NEK11: variants seen among roughly 807,000 people sequenced by gnomAD.
NEK11 encodes the protein serine/threonine-protein kinase Nek11.
A neutral mutation model predicts 80.7 loss-of-function variants in NEK11; 72 were observed. That is an observed-to-expected ratio of 0.89 (90% CI 0.74 to 1.08). The LOEUF is 1.08. Among genes scored for constraint, NEK11 ranks in the 50% least tolerant of loss-of-function variants. NEK11 has a pLI of 0.00. For missense variants in NEK11, 764 were observed against 763.6 expected, an observed-to-expected ratio of 1.00 and a Z score of -0.01; for synonymous variants, 251 against 260.7, an observed-to-expected ratio of 0.96 and a Z score of 0.36.
At chr3:131,318,735 A>ATG (rs199977425) in intron 17 of NEK11, among the ~76,000 whole-genome samples, 2,108 of 124,242 alleles carry the variant, frequency 0.017, 41 homozygotes, top group East Asian at 0.04. Flanking sequence ...GCGTGTGTAC[A>ATG]TGTGTATATA....
At chr3:131,294,830 C>T (rs924397339) in intron 17 of NEK11, among the ~76,000 whole-genome samples, 24 of 152,144 alleles carry the variant, frequency 1.6e-4, no homozygotes, top group African/African-American at 4.3e-4. Context: ...TATGTAATGC[C>T]TTTATTTATC....
In NEK11 at chr3:131,162,391, A is replaced by G; in HGVS notation, c.963-17A>G. ...GTTTGGGATGGGCTATATGAGGGGA[A>G]TCTTTGTTATTTATAGGCAAAAAAG... On this transcript the variant is annotated splice_polypyrimidine_tract_variant and intron_variant, in intron 10 of 17. Coordinates refer to ENST00000383366, the MANE Select transcript of NEK11 (RefSeq NM_024800.5). 1 of 1,610,328 alleles carries G rather than the reference A, an allele frequency of 6.2e-7. No individual in the cohort carries two copies. Among genetic ancestry groups the G allele is most frequent in the Non-Finnish European group, 8.5e-7 (1 of 1,178,950 alleles).
At chr3:131,228,331 T>C (rs68000792) in intron 14 of NEK11, among the ~76,000 whole-genome samples, 197 bp from the exon 15 acceptor site, 21,198 of 152,124 alleles carry the variant, frequency 0.14, 1,639 homozygotes, top group South Asian at 0.22. Flanking sequence ...TGTTCCTCCT[T>C]TCCTCTACTG....
At chr3:131,095,543 A>C (rs1321496354) in intron 4 of NEK11, among the ~76,000 whole-genome samples, 1 of 152,154 alleles carries the variant, frequency 6.6e-6, no homozygotes, top group Non-Finnish European at 1.5e-5. Context: ...GTATTTTTTA[A>C]AAATTAAAAT....
intron 16 of NEK11, among the ~76,000 whole-genome samples, chr3:131,268,535 C>T (rs2096110622): frequency 6.6e-6 from 1 of 152,226 alleles, no homozygotes; most frequent in South Asian, 2.1e-4. Context: ...CCCTCTGCTG[C>T]AGGTCTGCTG....
intron 17 of NEK11, among the ~76,000 whole-genome samples, chr3:131,309,523 C>CCAAA (rs1349920477): frequency 6.6e-6 from 1 of 152,078 alleles, no homozygotes; most frequent in Non-Finnish European, 1.5e-5. Flanking sequence ...AACACAAGTC[C>CCAAA]CAAACAGTGA....
At chr3:131,044,648 CT>C (rs2067105575) in intron 3 of NEK11, among the ~76,000 whole-genome samples, 1 of 152,018 alleles carries the variant, frequency 6.6e-6, no homozygotes, top group African/African-American at 2.4e-5. Flanking sequence ...TACCAAGGGA[CT>C]TAGACTCCCA....
intron 17 of NEK11, among the ~76,000 whole-genome samples, chr3:131,345,626 GT>G (rs1034302477): frequency 2.0e-5 from 3 of 152,076 alleles, no homozygotes; most frequent in Non-Finnish European, 2.9e-5. Context: ...CAATATAGAG[GT>G]TCCTAAAGAA....
At chr3:131,323,189 G>GAA (rs2096914504) in intron 17 of NEK11, among the ~76,000 whole-genome samples, 2 of 152,092 alleles carry the variant, frequency 1.3e-5, no homozygotes, top group Non-Finnish European at 2.9e-5. Context: ...ACCTTAACGA[G>GAA]GAATTTTCTC....
At chr3:131,032,255 C>T (rs1209407785) in intron 3 of NEK11, among the ~76,000 whole-genome samples, 1 of 152,126 alleles carries the variant, frequency 6.6e-6, no homozygotes, top group Non-Finnish European at 1.5e-5. Context: ...AGCCATCGCG[C>T]CTGGCCAGTA....
At chr3:131,280,113 G>A (rs1225288924) in intron 17 of NEK11, among the ~76,000 whole-genome samples, 1 of 152,190 alleles carries the variant, frequency 6.6e-6, no homozygotes, top group Non-Finnish European at 1.5e-5. Flanking sequence ...GAGAATCTGG[G>A]GGAGCTTCTG....
intron 5 of NEK11, among the ~76,000 whole-genome samples, chr3:131,131,039 T>A (rs2084359604): frequency 6.6e-6 from 1 of 152,176 alleles, no homozygotes; most frequent in Non-Finnish European, 1.5e-5. Flanking sequence ...TGACCCCAGG[T>A]GATCCACCCA....
At chr3:131,179,583 A>T (rs2093233537) in intron 14 of NEK11, among the ~76,000 whole-genome samples, 1 of 152,224 alleles carries the variant, frequency 6.6e-6, no homozygotes, top group African/African-American at 2.4e-5. Flanking sequence ...TAAATTAACA[A>T]TGTATTATAA....
At chr3:131,220,664 G>T (rs1226641571) in intron 14 of NEK11, among the ~76,000 whole-genome samples, 2 of 152,152 alleles carry the variant, frequency 1.3e-5, no homozygotes, top group Non-Finnish European at 2.9e-5. Flanking sequence ...TCTTTTGGTA[G>T]CTGCCTTCTG....
intron 14 of NEK11, among the ~76,000 whole-genome samples, chr3:131,179,123 AC>A (rs1280112741): frequency 6.6e-6 from 1 of 152,142 alleles, no homozygotes; most frequent in East Asian, 1.9e-4. Flanking sequence ...TTGTTCTTCT[AC>A]CTTCCACCAT....
intron 15 of NEK11, among the ~76,000 whole-genome samples, chr3:131,240,884 T>C (rs2095508762): frequency 6.6e-6 from 1 of 152,192 alleles, no homozygotes; most frequent in Non-Finnish European, 1.5e-5. Context: ...GTGTGATTTT[T>C]ACAATCCTGT....
intron 14 of NEK11, among the ~76,000 whole-genome samples, chr3:131,202,952 G>A (rs2094298188): frequency 6.6e-6 from 1 of 151,738 alleles, no homozygotes; most frequent in African/African-American, 2.4e-5. Context: ...AGGATGTGGA[G>A]AAATAGGAAT....
At chr3:131,300,331 T>C (rs1429313262) in intron 17 of NEK11, among the ~76,000 whole-genome samples, 4 of 152,166 alleles carry the variant, frequency 2.6e-5, no homozygotes, top group Non-Finnish European at 5.9e-5. Flanking sequence ...CTGTAGGCTG[T>C]TTGTTTACTC....
At chr3:131,262,795 T>C (rs371880051) in intron 16 of NEK11, among the ~76,000 whole-genome samples, 19 of 152,284 alleles carry the variant, frequency 1.2e-4, no homozygotes, top group East Asian at 9.7e-4. Context: ...GTATTTCTCC[T>C]AATGCTATCC....
Sources: allele counts gnomAD v4.1 joint callset (sites outside exome capture counted in the v4.1 genomes callset), GRCh38; gene constraint gnomAD v4.1.1; transcripts MANE v1.5; gene names NCBI Gene and HGNC (gene_info 2026-07-23, HGNC 2026-07-21).